HMCN2: variants seen among roughly 807,000 people sequenced by gnomAD.
HMCN2 encodes hemicentin 2, also known as hemicentin-2.
HMCN2 carries 325 observed loss-of-function variants against 377.5 expected under a neutral mutation model. The ratio of observed to expected loss-of-function variants is 0.86; its 90% CI spans 0.79 to 0.94. The LOEUF (loss-of-function observed/expected upper bound fraction) is 0.94, where lower values mean the gene tolerates loss of function less well. Ranked by LOEUF, HMCN2 falls within the 40% of genes least tolerant of loss-of-function variation. The probability of loss-of-function intolerance (pLI) is 0.00; values close to 1 mark genes in which losing one functional copy is unlikely to be tolerated. For missense variants in HMCN2, 4,543 were observed against 4,725.3 expected, an observed-to-expected ratio of 0.96 and a Z score of 1.13; for synonymous variants, 2,007 against 2,046.8, an observed-to-expected ratio of 0.98 and a Z score of 0.53.
intron 4 of HMCN2, among the ~76,000 whole-genome samples, chr9:130,287,705 ATGGCCACAGCCTTCC>A (rs1835495638): frequency 6.6e-6 from 1 of 152,248 alleles, no homozygotes; most frequent in Admixed American, 6.5e-5. Flanking sequence ...GTGAGTCCCG[ATGGCCACAGCCTTCC>A]CAGCACTTTA....
Position 130,425,882 on chromosome 9 carries a change from G to A in HMCN2, c.13837G>A (p.Ala4613Thr). 1 of 1,550,036 alleles carries A rather than the reference G, an allele frequency of 6.5e-7. No individual in the cohort carries two copies. The highest frequency in any genetic ancestry group is 8.7e-7 in the Non-Finnish European group (1 of 1,146,930). The stretch of plus-strand genomic sequence containing the variant: ...TATCAGCTCGGCCTTTGATCCAGAG[G>A]CCGAGGCCCTGCGCTTCCAGCTCGC... ...SAISSAFDPE[A>T]EALRFQLATA... is the part of the protein sequence containing the mutation. Residue 4613 changes from alanine to threonine, a missense_variant, in exon 90 of 98, where the codon GCC becomes ACC. Ala to Thr is a moderately conservative substitution (Grantham distance 58). Transcript: ENST00000683500.
intron 1 of HMCN2, among the ~76,000 whole-genome samples, chr9:130,278,187 C>T (rs954223511): frequency 6.6e-6 from 1 of 152,122 alleles, no homozygotes; most frequent in African/African-American, 2.4e-5. Flanking sequence ...TGCAGTGGCG[C>T]GATCTCAGCT....
At chr9:130,401,399 C>T (rs1325793262) in intron 77 of HMCN2, among the ~76,000 whole-genome samples, 2 of 152,180 alleles carry the variant, frequency 1.3e-5, no homozygotes, top group South Asian at 2.1e-4. Flanking sequence ...TCTCCGCTCA[C>T]TGCAGCCTCC....
chr9:130,342,232 G>A (rs1009800156), intron 24 of HMCN2, 118 bp from the exon 25 acceptor site: 1 of 152,114 alleles, frequency 6.6e-6, no homozygotes, highest in Non-Finnish European at 1.5e-5. Flanking sequence ...GAGGCTAGGG[G>A]CTGGGATTCT....
At chr9:130,421,946 C>T (rs1286390954) in intron 86 of HMCN2, among the ~76,000 whole-genome samples, 3 of 152,264 alleles carry the variant, frequency 2.0e-5, no homozygotes, top group African/African-American at 4.8e-5. Flanking sequence ...CCTGGAATGC[C>T]ATCTGCCTAA....
At chr9:130,378,096 G>A (rs57533186) in intron 53 of HMCN2, among the ~76,000 whole-genome samples, 2,858 of 152,170 alleles carry the variant, frequency 0.019, 98 homozygotes, top group African/African-American at 0.064. Flanking sequence ...TGCCTCTCGC[G>A]TTGTTAGGGA....
chr9:130,364,664 C>G, intron 40 of HMCN2, 50 bp from the exon 41 acceptor site: 1 of 953,830 alleles, frequency 1.0e-6, no homozygotes, highest in Non-Finnish European at 1.2e-6. Context: ...CCCTCCTTGC[C>G]AGCCCCACCC....
intron 8 of HMCN2, among the ~76,000 whole-genome samples, chr9:130,302,049 C>T (rs1397147855): frequency 1.4e-5 from 2 of 147,452 alleles, no homozygotes; most frequent in Non-Finnish European, 1.5e-5. Context: ...TCTAGCTGTG[C>T]TTTTTTTTTT....
At chr9:130,373,719 G>GGATGGATT (rs1216759488) in intron 48 of HMCN2, among the ~76,000 whole-genome samples, 8 of 151,222 alleles carry the variant, frequency 5.3e-5, no homozygotes, top group African/African-American at 1.9e-4. Context: ...ATGGATGGAT[G>GGATGGATT]GATGGATGGA....
At chr9:130,297,097 G>A (rs1269615335) in intron 7 of HMCN2, among the ~76,000 whole-genome samples, 1 of 152,168 alleles carries the variant, frequency 6.6e-6, no homozygotes, top group Non-Finnish European at 1.5e-5. Flanking sequence ...TTATTATTGA[G>A]TTCACACCTT....
chr9:130,324,208 C>T (rs1230144030), intron 19 of HMCN2, among the ~76,000 whole-genome samples: 1 of 152,172 alleles, frequency 6.6e-6, no homozygotes, highest in Non-Finnish European at 1.5e-5. Context: ...GGGAGCCACC[C>T]TTCTGCCTCC....
intron 31 of HMCN2, among the ~76,000 whole-genome samples, 191 bp from the exon 32 acceptor site, chr9:130,354,572 G>A (rs1051890564): frequency 1.3e-5 from 2 of 152,268 alleles, no homozygotes. Context: ...GGGGTGGCGC[G>A]CCCAGGGGCT....
rs1840011091 is a variant in HMCN2 at position 130,356,085 on chromosome 9, T to G, written c.5256-3T>G. On this transcript the variant is annotated splice_polypyrimidine_tract_variant and splice_region_variant and intron_variant, in intron 33 of 97. Coordinates refer to ENST00000683500, the MANE Select transcript of HMCN2 (RefSeq NM_001291815.2). ...GACACGCCCCCCTCCCTACTCACCT[T>G]AGGTGGCTGCAGAATGGCCGCCCAG... 1 of 1,282,642 alleles carries G rather than the reference T, an allele frequency of 7.8e-7. No homozygotes were observed. The highest frequency in any genetic ancestry group is 2.4e-5 in the Admixed American group (1 of 41,874). 79.5% of individuals were successfully genotyped at this position (1,282,642 alleles called of 1,614,324 possible). A position where few individuals can be genotyped will look rare whatever the true frequency, so the allele number is the denominator to read the frequency against.
In HMCN2 at chr9:130,379,261, TC is replaced by T. The variant is rs1279311248; in HGVS notation, c.8227del (p.Gln2743ArgfsTer106). 54 of 985,472 alleles carry T rather than the reference TC, an allele frequency of 5.5e-5. No individual in the cohort carries two copies. Among genetic ancestry groups the T allele is most frequent in the Non-Finnish European group, 6.4e-5 (53 of 829,882 alleles). The allele number at this position is 985,472 out of a possible 1,614,324, so 61.0% of individuals were successfully genotyped here. A position where few individuals can be genotyped will look rare whatever the true frequency, so the allele number is the denominator to read the frequency against. The part of the protein sequence containing the change: ...FNVLIQVPPM[F>X]QKVGDFSAAF... ...CTCCCCCACCCAGTGCCCCCCATGTTCCAGAAGGTGGGTGATTTCAGTGCAG... is the reference window on the plus strand; with the variant it reads ...CTCCCCCACCCAGTGCCCCCCATGTTCAGAAGGTGGGTGATTTCAGTGCAG... On this transcript the variant is annotated frameshift_variant, in exon 54 of 98. Coordinates refer to ENST00000683500, the MANE Select transcript of HMCN2 (RefSeq NM_001291815.2). LOFTEE classifies it high-confidence loss of function.
intron 31 of HMCN2, among the ~76,000 whole-genome samples, chr9:130,354,394 A>G (rs1449961682): frequency 6.6e-6 from 1 of 152,180 alleles, no homozygotes; most frequent in East Asian, 1.9e-4. Context: ...GGGGACTTCC[A>G]GGAGCAGAGC....
chr9:130,393,253 G>A lies in HMCN2; in HGVS notation c.10178G>A (p.Cys3393Tyr), dbSNP rs531322835. ...TTGGCAGACGCTGGCATCTTCACCT[G>A]TGTGGCCGCAAGCCCAGCTGGCGTG... ...VQLADAGIFT[C>Y]VAASPAGVAD... Residue 3393 changes from cysteine to tyrosine, a missense_variant, in exon 67 of 98, where the codon TGT becomes TAT. Physicochemically the swap from Cys to Tyr is radical, Grantham distance 194. Around this residue, in one of 5 missense-constraint regions of HMCN2, gnomAD observed 1,073 missense variants for 1,319.5 expected, o/e 0.81. Transcript: ENST00000683500. The surrounding 1 kb of genome is among the most constrained non-coding windows in gnomAD (Gnocchi z 5.2). 1 of 988,592 alleles carries A rather than the reference G, an allele frequency of 1.0e-6. No individual in the cohort carries two copies. Among genetic ancestry groups the A allele is most frequent in the East Asian group, 1.1e-4 (1 of 8,800 alleles). 61.2% of individuals were successfully genotyped at this position (988,592 alleles called of 1,614,324 possible). A position where few individuals can be genotyped will look rare whatever the true frequency, so the allele number is the denominator to read the frequency against.
chr9:130,279,893 C>T (rs370237324), intron 1 of HMCN2, among the ~76,000 whole-genome samples: 5 of 152,260 alleles, frequency 3.3e-5, no homozygotes, highest in East Asian at 3.9e-4. Context: ...CCAGGTGAGC[C>T]CTTTATAATC....
At chr9:130,388,310 A>C in intron 61 of HMCN2, 99 bp from the exon 62 acceptor site, 6 of 811,254 alleles carry the variant, frequency 7.4e-6, no homozygotes, top group Non-Finnish European at 7.5e-6. Flanking sequence ...GGAACTCCTA[A>C]CTACCAGGAA....
At position 130,375,693 on chromosome 9, in the gene HMCN2, CG is replaced by C; in HGVS notation, c.7765del (p.Ala2589ProfsTer21). ...CCCCCAACATCACCTGGATGAAGGA[CG>C]GGGCCCCGTTTGAGGCCTCCAGGAA... ...PSPNITWMKD[G>X]APFEASRNIQ... is the part of the protein sequence containing the mutation. On this transcript the variant is annotated frameshift_variant, in exon 50 of 98. Transcript: ENST00000683500. LOFTEE classifies it high-confidence loss of function. 2 of 985,908 alleles carry C rather than the reference CG, an allele frequency of 2.0e-6. No individual in the cohort carries two copies. Among genetic ancestry groups the C allele is most frequent in the Non-Finnish European group, 2.4e-6 (2 of 829,984 alleles). 61.1% of individuals were successfully genotyped at this position (985,908 alleles called of 1,614,324 possible). A position where few individuals can be genotyped will look rare whatever the true frequency, so the allele number is the denominator to read the frequency against.
Sources: gnomAD v4.1 joint callset for allele counts (sites outside exome capture counted in the v4.1 genomes callset) on GRCh38, gnomAD v4.1.1 for gene constraint, gnomAD v4.1.1 regional missense constraint, Gnocchi (gnomAD v3.1) non-coding constraint, MANE v1.5 for transcripts, NCBI Gene and HGNC (gene_info 2026-07-23, HGNC 2026-07-21) for gene names.